The following LMBR1 variants were observed in gnomAD, a reference collection of about 807,000 sequenced individuals.
LMBR1 encodes limb region 1 protein homolog.
LMBR1 carries 52 observed loss-of-function variants against 73.9 expected under a neutral mutation model. The observed-to-expected ratio is 0.70, with a 90% CI of 0.56 to 0.89. The LOEUF is 0.89. LMBR1 is among the 40% of genes least tolerant of loss of function. The probability of loss-of-function intolerance (pLI) is 0.00; values close to 1 mark genes in which losing one functional copy is unlikely to be tolerated. For missense variants in LMBR1, 539 were observed against 579.8 expected (o/e 0.93, Z 0.72); for synonymous variants, 215 against 209.4 (o/e 1.03, Z -0.23).
chr7:156,779,649 A>G, intron 5 of LMBR1: 1 of 1,259,258 alleles, frequency 7.9e-7, no homozygotes, highest in Non-Finnish European at 1.0e-6. Flanking sequence ...ATTACAATGT[A>G]CTTACAAAAG....
chr7:156,669,892 C>T lies in LMBR1; in HGVS notation n.867-605G>A, dbSNP rs1200962866. On this transcript the variant is annotated intron_variant and non_coding_transcript_variant, in intron 4 of 4. Coordinates refer to the LMBR1 transcript ENST00000430825. This position sits in a 1 kb window ranked among gnomAD's most constrained non-coding sequence, Gnocchi z 4.2. Reference sequence around the variant, plus strand: ...GACTCTGTTCCAGGTGACAGGAGGGCGGGCGGTCATGGCCTAGTGCCATGA... The same window carrying T: ...GACTCTGTTCCAGGTGACAGGAGGGTGGGCGGTCATGGCCTAGTGCCATGA... Among the ~76,000 whole-genome samples the T allele has an allele frequency of 4.6e-5, 7 of 152,064 alleles. No individual in the cohort carries two copies. The highest frequency in any genetic ancestry group is 8.8e-5 in the Non-Finnish European group (6 of 67,998).
chr7:156,772,835 A>T (rs1453636624), intron 5 of LMBR1, among the ~76,000 whole-genome samples: 1 of 151,118 alleles, frequency 6.6e-6, no homozygotes, highest in African/African-American at 2.4e-5. Flanking sequence ...ACGACAAAAA[A>T]CGAAAAGAGA....
At chr7:156,689,273 G>A (rs1178299842) in intron 15 of LMBR1, among the ~76,000 whole-genome samples, 1 of 152,102 alleles carries the variant, frequency 6.6e-6, no homozygotes, top group Non-Finnish European at 1.5e-5. Context: ...TAGAGCATTT[G>A]GGGGCCATAT....
At chr7:156,735,202 T>C (rs1422587419) in intron 9 of LMBR1, among the ~76,000 whole-genome samples, 2 of 152,188 alleles carry the variant, frequency 1.3e-5, no homozygotes, top group African/African-American at 2.4e-5. Context: ...CCCCCAAATA[T>C]TGTAATAACT....
chr7:156,765,217 T>C (rs1258624897), intron 5 of LMBR1, among the ~76,000 whole-genome samples: 2 of 152,196 alleles, frequency 1.3e-5, no homozygotes, highest in African/African-American at 4.8e-5. Context: ...TCATCTCGAA[T>C]TGTAATTCCC....
chr7:156,744,112 T>A (rs1427547650), intron 9 of LMBR1, among the ~76,000 whole-genome samples: 3 of 152,162 alleles, frequency 2.0e-5, no homozygotes. Flanking sequence ...TTTATATTAC[T>A]GCCCAGGCTG....
intron 15 of LMBR1, among the ~76,000 whole-genome samples, chr7:156,699,554 T>C (rs1809146283): frequency 6.6e-6 from 1 of 151,522 alleles, no homozygotes; most frequent in African/African-American, 2.4e-5. Context: ...AATTGACAAA[T>C]GGGATCTAAT....
At chr7:156,718,363 G>A (rs1180442582) in intron 15 of LMBR1, among the ~76,000 whole-genome samples, 1 of 150,298 alleles carries the variant, frequency 6.7e-6, no homozygotes, top group African/African-American at 2.5e-5. Context: ...TTGTGCCACT[G>A]CACTTCAACC....
chr7:156,825,585 T>C (rs2133809525), intron 4 of LMBR1, among the ~76,000 whole-genome samples: 1 of 152,254 alleles, frequency 6.6e-6, no homozygotes, highest in Non-Finnish European at 1.5e-5. Flanking sequence ...AAAAATAAAT[T>C]AGAACTCAAA....
intron 4 of LMBR1, among the ~76,000 whole-genome samples, chr7:156,819,880 C>T (rs188095863): frequency 1.5e-4 from 23 of 152,248 alleles, no homozygotes; most frequent in Non-Finnish European, 1.8e-4. Context: ...CTAGCAGAAT[C>T]CCCATACTGA....
intron 4 of LMBR1, among the ~76,000 whole-genome samples, chr7:156,800,047 T>C (rs2133424559): frequency 6.6e-6 from 1 of 152,312 alleles, no homozygotes; most frequent in African/African-American, 2.4e-5. Context: ...AGAAGCCACC[T>C]CCATAACATA....
chr7:156,783,304 T>G (rs1827479124), intron 5 of LMBR1, among the ~76,000 whole-genome samples: 1 of 152,006 alleles, frequency 6.6e-6, no homozygotes, highest in Non-Finnish European at 1.5e-5. Context: ...CCCGAGAAGC[T>G]GGGACTACAG....
chr7:156,888,229 T>C (rs1257029264), intron 1 of LMBR1, among the ~76,000 whole-genome samples: 1 of 151,380 alleles, frequency 6.6e-6, no homozygotes, highest in African/African-American at 2.4e-5. Flanking sequence ...GCTAACATGG[T>C]GAAACCCCGT....
intron 1 of LMBR1, among the ~76,000 whole-genome samples, chr7:156,882,340 G>C (rs1478900847): frequency 6.6e-6 from 1 of 152,188 alleles, no homozygotes; most frequent in Admixed American, 6.5e-5. Flanking sequence ...AGCTACTTAG[G>C]AGGCTGAGGT....
chr7:156,846,256 T>C (rs1309655677), intron 1 of LMBR1, among the ~76,000 whole-genome samples: 1 of 151,990 alleles, frequency 6.6e-6, no homozygotes, highest in East Asian at 1.9e-4. Flanking sequence ...CCAGCCTGGA[T>C]GACAGATAGA....
chr7:156,879,680 A>G (rs968255330), intron 1 of LMBR1, among the ~76,000 whole-genome samples: 6 of 151,594 alleles, frequency 4.0e-5, no homozygotes, highest in Non-Finnish European at 7.4e-5. Flanking sequence ...AAAAAAAAAA[A>G]AGTGGGCTAA....
intron 1 of LMBR1, among the ~76,000 whole-genome samples, chr7:156,850,819 C>T (rs558078608): frequency 3.2e-4 from 49 of 152,288 alleles, no homozygotes; most frequent in African/African-American, 1.1e-3. Context: ...TGTGTCCCCT[C>T]AGAATTTCAT....
chr7:156,773,118 A>AAAAT (rs1441148665), intron 5 of LMBR1, among the ~76,000 whole-genome samples: 6 of 152,284 alleles, frequency 3.9e-5, no homozygotes, highest in Middle Eastern at 3.4e-3. Flanking sequence ...AAAATAAAAT[A>AAAAT]AAAACCTAGA....
chr7:156,871,905 CT>C (rs2134324223), intron 1 of LMBR1, among the ~76,000 whole-genome samples: 1 of 152,300 alleles, frequency 6.6e-6, no homozygotes, highest in Non-Finnish European at 1.5e-5. Flanking sequence ...CTCTTACTTA[CT>C]TTTATTCAAC....
Sources: gnomAD v4.1 joint callset for allele counts (sites outside exome capture counted in the v4.1 genomes callset) on GRCh38, gnomAD v4.1.1 for gene constraint, Gnocchi (gnomAD v3.1) non-coding constraint, MANE v1.5 for transcripts, NCBI Gene and HGNC (gene_info 2026-07-23, HGNC 2026-07-21) for gene names.